Variants in PXDNL observed in about 807,000 individuals in gnomAD.
PXDNL encodes the protein peroxidasin like, also known as probable oxidoreductase PXDNL.
Under a neutral mutation model 150.8 loss-of-function variants are expected in PXDNL, and 145 were observed. That is an observed-to-expected ratio of 0.96 (90% CI 0.84 to 1.10). PXDNL has a LOEUF of 1.10. Ranked by LOEUF, PXDNL falls within the 50% of genes least tolerant of loss-of-function variation. The pLI is 0.00. For synonymous variants in PXDNL, 757 were observed against 725.7 expected (o/e 1.04, Z -0.69); for missense variants, 2,087 against 1,873.9 (o/e 1.11, Z -2.10).
intron 4 of PXDNL, among the ~76,000 whole-genome samples, chr8:51,527,402 C>T (rs1018711233): frequency 4.6e-5 from 7 of 152,166 alleles, no homozygotes; most frequent in Non-Finnish European, 1.0e-4. Context: ...TTCCAATCCA[C>T]ACCTGGTAAA....
At chr8:51,808,175 T>C (rs2037698522) in intron 1 of PXDNL, among the ~76,000 whole-genome samples, 1 of 152,220 alleles carries the variant, frequency 6.6e-6, no homozygotes. Context: ...TAAACATTTA[T>C]ATCTCAAAAT....
intron 4 of PXDNL, among the ~76,000 whole-genome samples, chr8:51,550,186 AT>A (rs1812450168): frequency 6.6e-6 from 1 of 152,086 alleles, no homozygotes; most frequent in Non-Finnish European, 1.5e-5. Context: ...TGAACCAGTA[AT>A]AAAAATTGCC....
chr8:51,439,924 A>G (rs530738475), intron 12 of PXDNL, among the ~76,000 whole-genome samples: 7 of 152,262 alleles, frequency 4.6e-5, no homozygotes, highest in African/African-American at 1.7e-4. Context: ...CATTGCACCA[A>G]AAAGATACTT....
In PXDNL at chr8:51,797,428, T is replaced by A. The variant is rs1239693902; in HGVS notation, c.164+11753A>T. On this transcript the variant is annotated intron_variant, in intron 1 of 22. Coordinates refer to ENST00000356297, the MANE Select transcript of PXDNL (RefSeq NM_144651.5). Reference sequence around the variant, plus strand: ...ATGATCCGATATCTAGAAAACCCCATTGTTTAAGCCTGAAAGCTTATTAAG... The same window carrying A: ...ATGATCCGATATCTAGAAAACCCCAATGTTTAAGCCTGAAAGCTTATTAAG... Among the ~76,000 whole-genome samples the A allele has an allele frequency of 2.0e-5, 3 of 152,220 alleles. No homozygotes were observed. In the East Asian group the frequency reaches 5.8e-4, roughly 29 times the overall value.
At chr8:51,764,961 G>C (rs1229656600) in intron 1 of PXDNL, among the ~76,000 whole-genome samples, 1 of 152,092 alleles carries the variant, frequency 6.6e-6, no homozygotes. Context: ...CATGTGTTTT[G>C]GGGCTCTGTT....
At chr8:51,793,770 G>C (rs933750810) in intron 1 of PXDNL, among the ~76,000 whole-genome samples, 1 of 152,004 alleles carries the variant, frequency 6.6e-6, no homozygotes, top group East Asian at 1.9e-4. Flanking sequence ...ACACATGTCT[G>C]TAATCCCAGC....
At chr8:51,325,109 C>A (rs1459724552) in intron 21 of PXDNL, among the ~76,000 whole-genome samples, 1 of 152,174 alleles carries the variant, frequency 6.6e-6, no homozygotes, top group Non-Finnish European at 1.5e-5. Context: ...TGTGATCCAC[C>A]CGCCTCAGCC....
intron 1 of PXDNL, among the ~76,000 whole-genome samples, chr8:51,728,081 A>C (rs529693095): frequency 2.2e-4 from 34 of 152,322 alleles, no homozygotes; most frequent in African/African-American, 7.9e-4. Flanking sequence ...CCACATATGC[A>C]CTGGTGGTCC....
chr8:51,529,782 C>G (rs933288364), intron 4 of PXDNL, among the ~76,000 whole-genome samples: 1 of 152,146 alleles, frequency 6.6e-6, no homozygotes, highest in East Asian at 1.9e-4. Context: ...CCAGTCTCTC[C>G]CCACAACCAC....
intron 2 of PXDNL, among the ~76,000 whole-genome samples, chr8:51,607,401 C>T (rs1191405317): frequency 6.6e-6 from 1 of 152,136 alleles, no homozygotes; most frequent in Non-Finnish European, 1.5e-5. Context: ...GCACGAAGCC[C>T]AGTTATTTTT....
intron 15 of PXDNL, among the ~76,000 whole-genome samples, chr8:51,412,690 T>C (rs947625096): frequency 6.6e-6 from 1 of 152,232 alleles, no homozygotes; most frequent in East Asian, 1.9e-4. Flanking sequence ...GAGAAGTTAA[T>C]GGGATTGGAA....
intron 17 of PXDNL, 74 bp from the exon 18 acceptor site, chr8:51,374,805 C>T (rs1807252448): frequency 2.0e-6 from 3 of 1,490,636 alleles, no homozygotes; most frequent in Non-Finnish European, 2.7e-6. Context: ...ATGTGAATGA[C>T]CACCAAGCAT....
chr8:51,358,756 C>A (rs531623586), intron 19 of PXDNL, among the ~76,000 whole-genome samples: 1 of 152,282 alleles, frequency 6.6e-6, no homozygotes, highest in Non-Finnish European at 1.5e-5. Context: ...TCTTCCCCTC[C>A]CCCACAACCC....
At chr8:51,629,400 A>G (rs990637674) in intron 2 of PXDNL, among the ~76,000 whole-genome samples, 4 of 152,152 alleles carry the variant, frequency 2.6e-5, no homozygotes, top group Non-Finnish European at 5.9e-5. Context: ...ATGAAGAAAA[A>G]TGAACAGAAC....
chr8:51,510,816 G>A (rs1337908299), intron 4 of PXDNL, among the ~76,000 whole-genome samples: 1 of 152,146 alleles, frequency 6.6e-6, no homozygotes, highest in Non-Finnish European at 1.5e-5. Flanking sequence ...GCCAACACAG[G>A]AAAAAACATT....
At chr8:51,455,633 A>G (rs1463805643) in intron 9 of PXDNL, among the ~76,000 whole-genome samples, 2 of 152,208 alleles carry the variant, frequency 1.3e-5, no homozygotes, top group South Asian at 2.1e-4. Flanking sequence ...AATTGAGGAC[A>G]TTAGGAAAGG....
intron 1 of PXDNL, among the ~76,000 whole-genome samples, chr8:51,764,212 TCTAG>T (rs1414617970): frequency 1.3e-5 from 2 of 152,056 alleles, no homozygotes; most frequent in African/African-American, 4.8e-5. Flanking sequence ...TCCTTTTTGG[TCTAG>T]CTAAAGATTT....
At chr8:51,351,012 C>T (rs1210575311) in intron 19 of PXDNL, among the ~76,000 whole-genome samples, 1 of 152,172 alleles carries the variant, frequency 6.6e-6, no homozygotes, top group African/African-American at 2.4e-5. Context: ...AGAATCAATA[C>T]TGAACTATCC....
intron 19 of PXDNL, among the ~76,000 whole-genome samples, chr8:51,359,551 T>C (rs1237485452): frequency 1.2e-5 from 1 of 82,356 alleles, no homozygotes; most frequent in African/African-American, 3.7e-5. Flanking sequence ...ATAAAGAACG[T>C]TTCAGAAGGA....
Sources: allele counts gnomAD v4.1 joint callset (sites outside exome capture counted in the v4.1 genomes callset), GRCh38; gene constraint gnomAD v4.1.1; transcripts MANE v1.5; gene names NCBI Gene and HGNC (gene_info 2026-07-23, HGNC 2026-07-21).